The following NPNT variants were observed in gnomAD, a reference collection of about 807,000 sequenced individuals.
The protein encoded by NPNT is nephronectin.
A neutral mutation model predicts 68.6 loss-of-function variants in NPNT; 45 were observed. The observed-to-expected ratio is 0.66, with a 90% CI of 0.52 to 0.84. NPNT has a LOEUF of 0.84. NPNT is among the 40% of genes least tolerant of loss of function. The probability of loss-of-function intolerance (pLI) is 0.00; values close to 1 mark genes in which losing one functional copy is unlikely to be tolerated. For synonymous variants in NPNT, 233 were observed against 253.3 expected (o/e 0.92, Z 0.76); for missense variants, 672 against 714.8 (o/e 0.94, Z 0.68).
chr4:105,968,898 G>A lies in NPNT; in HGVS notation c.1606G>A (p.Val536Ile), dbSNP rs554402536. 48 of 1,598,040 alleles carry A rather than the reference G, an allele frequency of 3.0e-5. No homozygotes were observed. Among genetic ancestry groups the A allele is most frequent in the Middle Eastern group, 1.7e-4 (1 of 6,016 alleles). ...GGTGTGTGCATTCTCTCCCTAGGTC[G>A]TCTTCAAAGGTGAAAAAAGGCGTGG... ...TLRGADIKSV[V>I]FKGEKRRGHT... Residue 536 changes from valine (V) to isoleucine (I), a missense_variant, in exon 12 of 12, where the codon GTC becomes ATC. Val to Ile is a conservative substitution (Grantham distance 29). Coordinates refer to ENST00000379987, the MANE Select transcript of NPNT (RefSeq NM_001033047.3).
intron 2 of NPNT, among the ~76,000 whole-genome samples, chr4:105,922,784 G>A (rs1312939156): frequency 6.6e-6 from 1 of 152,196 alleles, no homozygotes; most frequent in Non-Finnish European, 1.5e-5. Flanking sequence ...GAATGCTAGA[G>A]AGCAAATTTT....
At chr4:105,941,760 C>T (rs1729974489) in intron 7 of NPNT, among the ~76,000 whole-genome samples, 1 of 151,996 alleles carries the variant, frequency 6.6e-6, no homozygotes, top group Non-Finnish European at 1.5e-5. Context: ...AAAAACCGAC[C>T]ATAAAACAAT....
intron 3 of NPNT, among the ~76,000 whole-genome samples, chr4:105,933,796 T>A (rs1729308486): frequency 6.6e-6 from 1 of 152,154 alleles, no homozygotes; most frequent in Admixed American, 6.5e-5. Flanking sequence ...TCTGGACCAG[T>A]TCCCTTCTCC....
chr4:105,935,051 C>A (rs1007337658), intron 3 of NPNT, among the ~76,000 whole-genome samples: 1 of 152,174 alleles, frequency 6.6e-6, no homozygotes, highest in African/African-American at 2.4e-5. Flanking sequence ...AGCATAAATA[C>A]TCCTTGTTTA....
intron 8 of NPNT, among the ~76,000 whole-genome samples, chr4:105,944,561 C>T (rs112444889): frequency 9.9e-5 from 15 of 152,110 alleles, no homozygotes; most frequent in African/African-American, 3.1e-4. Flanking sequence ...TGAAGTTCAC[C>T]AATAAAATTT....
At position 105,952,326 on chromosome 4, in the gene NPNT, C is replaced by T. The variant is rs545249233; in HGVS notation, c.1160-6145C>T. On this transcript the variant is annotated intron_variant, in intron 8 of 11. Coordinates refer to ENST00000379987, the MANE Select transcript of NPNT (RefSeq NM_001033047.3). ...TAGAAACTTGCGATTTTATTCTAGG[C>T]TTGTTACCAAATATTTAGAATACTG... 5.9e-5 allele frequency among the ~76,000 whole-genome samples: 9 copies of T among 152,290 alleles called. No individual in the cohort carries two copies. The South Asian group carries it at 1.9e-3, about 32-fold the overall frequency.
chr4:105,935,711 G>A (rs192689752), intron 3 of NPNT, among the ~76,000 whole-genome samples: 220 of 152,212 alleles, frequency 1.4e-3, no homozygotes, highest in Non-Finnish European at 2.1e-3. Context: ...TGCCCAGCTC[G>A]GGGTCTGCTT....
intron 8 of NPNT, among the ~76,000 whole-genome samples, chr4:105,943,689 T>A (rs1730166102): frequency 1.3e-5 from 2 of 152,212 alleles, no homozygotes; most frequent in Admixed American, 1.3e-4. Context: ...CGCTTATTCT[T>A]AATTACCTTT....
chr4:105,944,429 C>T, intron 8 of NPNT, among the ~76,000 whole-genome samples: 1 of 152,022 alleles, frequency 6.6e-6, no homozygotes, highest in East Asian at 1.9e-4. Flanking sequence ...ATATTTTTTT[C>T]ATTATGATGA....
At chr4:105,932,618 G>A (rs1034756320) in intron 3 of NPNT, 2 of 1,535,016 alleles carry the variant, frequency 1.3e-6, no homozygotes, top group Non-Finnish European at 1.7e-6. Flanking sequence ...GTGAAGACGA[G>A]CACATCCCAG....
chr4:105,965,964 A>T (rs1398089569), intron 10 of NPNT, among the ~76,000 whole-genome samples: 8 of 152,208 alleles, frequency 5.3e-5, no homozygotes, highest in Non-Finnish European at 8.8e-5. Context: ...GCTGGCACAC[A>T]GTAAGTGCAC....
chr4:105,930,730 A>G (rs1729046381), intron 3 of NPNT, among the ~76,000 whole-genome samples: 1 of 152,232 alleles, frequency 6.6e-6, no homozygotes, highest in African/African-American at 2.4e-5. Flanking sequence ...AGCGAGTTAT[A>G]TACTTTAAGA....
chr4:105,919,327 C>T (rs912114982), intron 2 of NPNT, among the ~76,000 whole-genome samples: 1 of 151,950 alleles, frequency 6.6e-6, no homozygotes, highest in Non-Finnish European at 1.5e-5. Flanking sequence ...AATGACACTT[C>T]GTGCCTAAAC....
At chr4:105,923,644 C>G (rs1319673436) in intron 2 of NPNT, among the ~76,000 whole-genome samples, 2 of 152,068 alleles carry the variant, frequency 1.3e-5, no homozygotes, top group Non-Finnish European at 2.9e-5. Flanking sequence ...ATAAAGAGGC[C>G]ACTGTGGTTG....
chr4:105,951,913 C>T (rs181918611), intron 8 of NPNT, among the ~76,000 whole-genome samples: 167 of 152,100 alleles, frequency 1.1e-3, no homozygotes, highest in Non-Finnish European at 1.8e-3. Flanking sequence ...TAATTTGGGG[C>T]GTATCATTAA....
chr4:105,910,132 C>G (rs1431733927), intron 2 of NPNT, among the ~76,000 whole-genome samples: 1 of 151,602 alleles, frequency 6.6e-6, no homozygotes, highest in Non-Finnish European at 1.5e-5. Flanking sequence ...GTCCAAAGTT[C>G]AGGACTGGCT....
chr4:105,952,378 A>G (rs1232144267), intron 8 of NPNT, among the ~76,000 whole-genome samples: 1 of 152,230 alleles, frequency 6.6e-6, no homozygotes, highest in African/African-American at 2.4e-5. Flanking sequence ...TTATAGTCTC[A>G]TTAGACAGTT....
chr4:105,919,252 CT>C (rs1445942772), intron 2 of NPNT, among the ~76,000 whole-genome samples: 3 of 151,472 alleles, frequency 2.0e-5, no homozygotes, highest in African/African-American at 7.3e-5. Context: ...TTTTTTTTCT[CT>C]CTTCCTTCCC....
At chr4:105,900,138 C>T (rs188270914) in intron 2 of NPNT, among the ~76,000 whole-genome samples, 6 of 152,302 alleles carry the variant, frequency 3.9e-5, no homozygotes, top group Admixed American at 6.5e-5. Flanking sequence ...TTTGCCTTTT[C>T]GACCTTTAGA....
Sources: gnomAD v4.1 joint callset for allele counts (sites outside exome capture counted in the v4.1 genomes callset) on GRCh38, gnomAD v4.1.1 for gene constraint, MANE v1.5 for transcripts, NCBI Gene and HGNC (gene_info 2026-07-23, HGNC 2026-07-21) for gene names.